Variants in ASIC2 observed in about 807,000 individuals in gnomAD.
ASIC2 encodes the protein acid sensing ion channel subunit 2.
Under a neutral mutation model 57.3 loss-of-function variants are expected in ASIC2, and 25 were observed. The ratio of observed to expected loss-of-function variants is 0.44; its 90% CI spans 0.32 to 0.61. ASIC2 has a LOEUF of 0.61. Ranked by LOEUF, ASIC2 falls within the 20% of genes least tolerant of loss-of-function variation. The pLI, the probability that ASIC2 is intolerant of heterozygous loss-of-function variation, is 0.06. For synonymous variants in ASIC2, 319 were observed against 307.5 expected (o/e 1.04, Z -0.39); for missense variants, 641 against 738.1 (o/e 0.87, Z 1.52).
At position 33,718,660 on chromosome 17, in the gene ASIC2, C is replaced by T. The variant is rs184256834; in HGVS notation, c.555+437318G>A. Among the ~76,000 whole-genome samples the T allele has an allele frequency of 3.9e-5, 6 of 152,192 alleles. No individual in the cohort carries two copies. In the East Asian group the frequency reaches 7.7e-4, roughly 20 times the overall value. ...TGCTCCCACCTTCCTAACATGCCTC[C>T]GCAGAGAGAAGGGGCAAAGAAAGCC... is the stretch of plus-strand genomic sequence containing the variant. On this transcript the variant is annotated intron_variant, in intron 1 of 9. Coordinates refer to the ASIC2 transcript ENST00000359872.
intron 1 of ASIC2, among the ~76,000 whole-genome samples, chr17:33,685,168 A>G (rs8071384): frequency 0.53 from 81,205 of 151,906 alleles, 22,790 homozygotes; most frequent in African/African-American, 0.71. Context: ...TGGAGGTCAG[A>G]TTTCCCCCCT....
intron 1 of ASIC2, among the ~76,000 whole-genome samples, chr17:33,667,919 C>T (rs559932363): frequency 1.5e-3 from 236 of 152,278 alleles, no homozygotes; most frequent in African/African-American, 5.4e-3. Flanking sequence ...CACACAACCT[C>T]GTGACCATTA....
chr17:33,929,836 G>A (rs1409513825), intron 1 of ASIC2, among the ~76,000 whole-genome samples: 1 of 152,214 alleles, frequency 6.6e-6, no homozygotes, highest in African/African-American at 2.4e-5. Flanking sequence ...AGCTTGGGAA[G>A]TAGAAAATAT....
At chr17:33,232,872 G>C (rs998746990) in intron 1 of ASIC2, among the ~76,000 whole-genome samples, 1 of 152,186 alleles carries the variant, frequency 6.6e-6, no homozygotes, top group Non-Finnish European at 1.5e-5. Flanking sequence ...TGCTTGTATT[G>C]TGCTTTGTCC....
At chr17:33,452,930 A>G (rs776568995) in intron 1 of ASIC2, among the ~76,000 whole-genome samples, 49 of 152,020 alleles carry the variant, frequency 3.2e-4, no homozygotes, top group Non-Finnish European at 5.0e-4. Context: ...ACTGCTCTAC[A>G]TGCCAGTATT....
rs148742302 is a variant in ASIC2, at chr17:33,977,434, G to A, written c.555+178544C>T. 1.6e-4 allele frequency among the ~76,000 whole-genome samples: 24 copies of A among 152,258 alleles called. No homozygotes were observed. The East Asian group carries it at 3.5e-3, about 22-fold the overall frequency. On this transcript the variant is annotated intron_variant, in intron 1 of 9. Transcript: ENST00000359872. ...CCATTTTGCAAAAGTGAACATCAAA[G>A]CTCAGAGGAAAAAATGATTTCAAGT... is the stretch of plus-strand genomic sequence containing the variant.
At chr17:33,775,291 AC>A (rs1357467857) in intron 1 of ASIC2, among the ~76,000 whole-genome samples, 4 of 152,350 alleles carry the variant, frequency 2.6e-5, no homozygotes, top group Admixed American at 1.3e-4. Context: ...TGGCAAGTTC[AC>A]TACAAAACCA....
chr17:33,641,128 C>T (rs1279399832), intron 1 of ASIC2, among the ~76,000 whole-genome samples: 1 of 152,158 alleles, frequency 6.6e-6, no homozygotes. Context: ...CTGTTCCTCT[C>T]TCCATGGAGA....
In ASIC2 at chr17:33,624,569, G is replaced by A. The variant is rs116708089; in HGVS notation, c.556-512502C>T. The stretch of plus-strand genomic sequence containing the variant: ...AAGGATTCTAGGACAAACATACACA[G>A]TATCCTTCTTACTGATGCTGGAGAA... On this transcript the variant is annotated intron_variant, in intron 1 of 9. Transcript: ENST00000359872. Among the ~76,000 whole-genome samples, 1,221 of 152,374 alleles carry A rather than the reference G, an allele frequency of 8.0e-3. 10 individuals are homozygous for A. Among genetic ancestry groups the A allele is most frequent in the Middle Eastern group, 0.041 (12 of 292 alleles).
At chr17:33,167,821 C>A (rs970248255) in intron 1 of ASIC2, among the ~76,000 whole-genome samples, 1 of 152,216 alleles carries the variant, frequency 6.6e-6, no homozygotes, top group African/African-American at 2.4e-5. Flanking sequence ...TAAGGCCAAC[C>A]CATCCTTTGG....
At chr17:33,738,526 A>G (rs1053657376) in intron 1 of ASIC2, among the ~76,000 whole-genome samples, 2 of 152,124 alleles carry the variant, frequency 1.3e-5, no homozygotes, top group South Asian at 2.1e-4. Context: ...TACACCACCA[A>G]TGAGTCTCCC....
chr17:33,463,919 G>C (rs1053348157), intron 1 of ASIC2, among the ~76,000 whole-genome samples: 2 of 152,198 alleles, frequency 1.3e-5, no homozygotes, highest in African/African-American at 4.8e-5. Flanking sequence ...GGAGGGGCTT[G>C]GGAAGGGTTT....
intron 1 of ASIC2, among the ~76,000 whole-genome samples, chr17:33,873,265 T>C (rs960282331): frequency 2.6e-5 from 4 of 152,172 alleles, no homozygotes; most frequent in Non-Finnish European, 5.9e-5. Flanking sequence ...CAGAACAGTA[T>C]GATGAGGAGA....
intron 1 of ASIC2, among the ~76,000 whole-genome samples, chr17:33,312,733 G>A (rs1346342326): frequency 1.3e-5 from 2 of 152,144 alleles, no homozygotes; most frequent in East Asian, 1.9e-4. Context: ...TCGGGAGTTC[G>A]AGACCAGCCT....
intron 1 of ASIC2, among the ~76,000 whole-genome samples, chr17:33,398,484 G>A (rs376063586): frequency 1.2e-4 from 18 of 152,142 alleles, no homozygotes; most frequent in African/African-American, 3.9e-4. Context: ...TGGTTATGAT[G>A]CTGACGATAA....
intron 1 of ASIC2, among the ~76,000 whole-genome samples, chr17:33,265,845 A>C (rs1032369068): frequency 6.6e-6 from 1 of 151,906 alleles, no homozygotes; most frequent in African/African-American, 2.4e-5. Context: ...GGCAGGGAAG[A>C]TCTCTATGTT....
At chr17:33,931,072 T>C (rs928568210) in intron 1 of ASIC2, 3 of 152,132 alleles carry the variant, frequency 2.0e-5, no homozygotes, top group African/African-American at 7.2e-5. Flanking sequence ...CAGTTTTACT[T>C]TGCATCTCTT....
intron 1 of ASIC2, among the ~76,000 whole-genome samples, chr17:33,416,421 C>T (rs1448411315): frequency 6.6e-6 from 1 of 152,240 alleles, no homozygotes; most frequent in Non-Finnish European, 1.5e-5. Flanking sequence ...CATCACCAAT[C>T]TTCTCTGCCT....
intron 1 of ASIC2, among the ~76,000 whole-genome samples, chr17:33,430,317 G>A (rs1911364217): frequency 6.6e-6 from 1 of 152,144 alleles, no homozygotes; most frequent in Non-Finnish European, 1.5e-5. Flanking sequence ...TGGGAAGGTA[G>A]AAACCCAAAT....
Sources: gnomAD v4.1 joint callset for allele counts (sites outside exome capture counted in the v4.1 genomes callset) on GRCh38, gnomAD v4.1.1 for gene constraint, MANE v1.5 for transcripts, NCBI Gene and HGNC (gene_info 2026-07-23, HGNC 2026-07-21) for gene names.